Variants in RAB27B observed in about 807,000 individuals in gnomAD.
The protein encoded by RAB27B is ras-related protein Rab-27B.
Under a neutral mutation model 24.6 loss-of-function variants are expected in RAB27B, and 15 were observed. That is an observed-to-expected ratio of 0.61 (90% confidence interval 0.41 to 0.94). The LOEUF is 0.94. Among genes scored for constraint, RAB27B ranks in the 40% least tolerant of loss-of-function variants. RAB27B has a pLI of 0.00. For missense variants in RAB27B, 261 were observed against 266.8 expected, an observed-to-expected ratio of 0.98 and a Z score of 0.15; for synonymous variants, 105 against 92.5, an observed-to-expected ratio of 1.14 and a Z score of -0.78.
intron 2 of RAB27B, among the ~76,000 whole-genome samples, chr18:54,773,725 G>T (rs1568060695): frequency 6.6e-6 from 1 of 151,482 alleles, no homozygotes; most frequent in Non-Finnish European, 1.5e-5. Context: ...ACCCAGGCTG[G>T]AGTGCAGTGG....
intron 2 of RAB27B, among the ~76,000 whole-genome samples, chr18:54,791,678 C>G (rs1318968605): frequency 1.3e-5 from 2 of 152,344 alleles, no homozygotes; most frequent in Non-Finnish European, 1.5e-5. Context: ...TCCAAGACCA[C>G]TGGGCCTGCC....
chr18:54,820,054 G>A (rs1024568436), intron 2 of RAB27B, among the ~76,000 whole-genome samples: 1 of 152,034 alleles, frequency 6.6e-6, no homozygotes, highest in Non-Finnish European at 1.5e-5. Context: ...AGACTTTGCT[G>A]TTGTGAATAG....
At chr18:54,881,358 C>A (rs1041299963) in intron 3 of RAB27B, among the ~76,000 whole-genome samples, 1 of 151,778 alleles carries the variant, frequency 6.6e-6, no homozygotes, top group African/African-American at 2.4e-5. Flanking sequence ...AGTCCTTGGA[C>A]GTGGGCAGTT....
intron 2 of RAB27B, among the ~76,000 whole-genome samples, chr18:54,735,543 A>T (rs1024627647): frequency 6.6e-6 from 1 of 151,504 alleles, no homozygotes; most frequent in African/African-American, 2.4e-5. Flanking sequence ...TTTTTTTGAG[A>T]TGGTGTTTCA....
intron 1 of RAB27B, among the ~76,000 whole-genome samples, chr18:54,866,031 C>A (rs1182940268): frequency 6.6e-6 from 1 of 152,012 alleles, no homozygotes; most frequent in South Asian, 2.1e-4. Flanking sequence ...AAAATAAAGA[C>A]AGATACCTCA....
At chr18:54,837,654 G>A (rs2145194919) in intron 1 of RAB27B, among the ~76,000 whole-genome samples, 1 of 152,020 alleles carries the variant, frequency 6.6e-6, no homozygotes, top group South Asian at 2.1e-4. Context: ...AGAAGGAGGT[G>A]GAGTAACCAT....
intron 2 of RAB27B, among the ~76,000 whole-genome samples, chr18:54,760,470 T>C (rs1184511825): frequency 2.0e-5 from 3 of 152,184 alleles, no homozygotes; most frequent in African/African-American, 4.8e-5. Flanking sequence ...TTTATATACA[T>C]AATTTAGGAA....
intron 2 of RAB27B, among the ~76,000 whole-genome samples, chr18:54,754,750 T>C (rs944413266): frequency 9.2e-5 from 14 of 152,230 alleles, no homozygotes; most frequent in African/African-American, 3.4e-4. Flanking sequence ...AAAGCATAAC[T>C]ATAATTATCC....
intron 2 of RAB27B, among the ~76,000 whole-genome samples, chr18:54,788,147 T>G (rs964657323): frequency 6.6e-6 from 1 of 152,208 alleles, no homozygotes. Context: ...CAGACTGAAT[T>G]TATACAAACT....
chr18:54,870,801 T>C (rs939769323), intron 1 of RAB27B, among the ~76,000 whole-genome samples: 2 of 152,196 alleles, frequency 1.3e-5, no homozygotes, highest in African/African-American at 2.4e-5. Flanking sequence ...TCTACAGATA[T>C]GTATTGAATT....
At chr18:54,818,267 C>T (rs1009786698) in intron 2 of RAB27B, among the ~76,000 whole-genome samples, 19 of 152,274 alleles carry the variant, frequency 1.2e-4, no homozygotes, top group African/African-American at 4.6e-4. Flanking sequence ...AGGGCTTAAT[C>T]TGGGTTTGAG....
At chr18:54,781,833 T>C (rs984516402) in intron 2 of RAB27B, among the ~76,000 whole-genome samples, 1 of 152,230 alleles carries the variant, frequency 6.6e-6, no homozygotes, top group African/African-American at 2.4e-5. Context: ...GGGCTACTGA[T>C]AGGACTACTC....
intron 1 of RAB27B, among the ~76,000 whole-genome samples, chr18:54,834,948 G>A (rs1429652903): frequency 2.0e-5 from 3 of 151,722 alleles, no homozygotes; most frequent in Admixed American, 2.0e-4. Flanking sequence ...TGACCTGAGG[G>A]ATATACCAGA....
chr18:54,771,698 T>C (rs996207170), intron 2 of RAB27B, among the ~76,000 whole-genome samples: 1 of 150,234 alleles, frequency 6.7e-6, no homozygotes, highest in African/African-American at 2.4e-5. Context: ...CTCCTTCACA[T>C]TCTCTTTAAA....
rs1214348941 is a variant in RAB27B, at chr18:54,890,871, TCTAAA to T, written c.*1463_*1467del. 6.6e-6 allele frequency: 1 copy of T among 152,162 alleles called. No individual in the cohort carries two copies. Among genetic ancestry groups the T allele is most frequent in the African/African-American group, 2.4e-5 (1 of 41,446 alleles). 9.4% of individuals were successfully genotyped at this position (152,162 alleles called of 1,614,324 possible). ...TTCATTGGCCTATTCTGTTCTTGTG[TCTAAA>T]CTAACATTACATTAATTTTTAATCT... On this transcript the variant is annotated 3_prime_UTR_variant, in exon 6 of 6. Coordinates refer to ENST00000262094, the MANE Select transcript of RAB27B (RefSeq NM_004163.4).
intron 5 of RAB27B, among the ~76,000 whole-genome samples, chr18:54,888,339 A>G (rs1913230186): frequency 2.0e-5 from 3 of 152,192 alleles, no homozygotes; most frequent in African/African-American, 7.2e-5. Flanking sequence ...AACAGTTCCT[A>G]GACATTAACT....
At chr18:54,752,972 G>C (rs1458250012) in intron 2 of RAB27B, among the ~76,000 whole-genome samples, 1 of 152,152 alleles carries the variant, frequency 6.6e-6, no homozygotes, top group Non-Finnish European at 1.5e-5. Context: ...AGGAAAGTCA[G>C]GAAAGACACC....
intron 2 of RAB27B, among the ~76,000 whole-genome samples, chr18:54,804,974 GCCTT>G (rs1290733569): frequency 1.2e-4 from 8 of 66,690 alleles, no homozygotes; most frequent in South Asian, 5.7e-4. Context: ...CTGCCTTCCT[GCCTT>G]CCTTCCTTTT....
chr18:54,850,079 G>T (rs1181549059), intron 1 of RAB27B, among the ~76,000 whole-genome samples: 1 of 151,202 alleles, frequency 6.6e-6, no homozygotes, highest in Non-Finnish European at 1.5e-5. Flanking sequence ...AAATCTGAAG[G>T]GCAATTAGCC....
Sources: gnomAD v4.1 joint callset for allele counts (sites outside exome capture counted in the v4.1 genomes callset) on GRCh38, gnomAD v4.1.1 for gene constraint, MANE v1.5 for transcripts, NCBI Gene and HGNC (gene_info 2026-07-23, HGNC 2026-07-21) for gene names.